Variants in TFEC observed in about 807,000 individuals in gnomAD.
The protein encoded by TFEC is transcription factor EC, also known as class E basic helix-loop-helix protein 34.
Under a neutral mutation model 41.6 loss-of-function variants are expected in TFEC, and 31 were observed. The ratio of observed to expected loss-of-function variants is 0.74; its 90% CI spans 0.56 to 1.01. The LOEUF (loss-of-function observed/expected upper bound fraction) is 1.01, where lower values mean the gene tolerates loss of function less well. TFEC is among the 50% of genes least tolerant of loss of function. The probability of loss-of-function intolerance (pLI) is 0.00; values close to 1 mark genes in which losing one functional copy is unlikely to be tolerated. For missense variants in TFEC, 402 were observed against 404.1 expected, an observed-to-expected ratio of 0.99 and a Z score of 0.04; for synonymous variants, 143 against 140.6, an observed-to-expected ratio of 1.02 and a Z score of -0.12.
intron 1 of TFEC, among the ~76,000 whole-genome samples, chr7:116,119,574 T>A (rs922059694): frequency 3.3e-5 from 5 of 151,786 alleles, no homozygotes; most frequent in African/African-American, 1.2e-4. Context: ...GTGAATTTTA[T>A]TGTATGTAAA....
At chr7:116,111,793 G>A (rs2116100326) in intron 2 of TFEC, among the ~76,000 whole-genome samples, 1 of 151,982 alleles carries the variant, frequency 6.6e-6, no homozygotes, top group Non-Finnish European at 1.5e-5. Flanking sequence ...TGAAGTAACT[G>A]GAATAAACAG....
intron 1 of TFEC, among the ~76,000 whole-genome samples, chr7:115,991,321 C>T (rs13230659): frequency 0.14 from 20,858 of 152,116 alleles, 1,933 homozygotes; most frequent in Non-Finnish European, 0.21. Context: ...CATCAACTAA[C>T]GAGCAAAATA....
intron 6 of TFEC, among the ~76,000 whole-genome samples, chr7:115,944,048 C>CTTTTTTTTTTTTTTTTTTTTTTT (rs1793660689): frequency 8.8e-5 from 1 of 11,322 alleles, no homozygotes; most frequent in Non-Finnish European, 2.5e-4. Context: ...TTTGCTTCAA[C>CTTTTTTTTTTTTTTTTTTTTTTT]ATTTTGTGAC....
intron 1 of TFEC, among the ~76,000 whole-genome samples, chr7:116,001,761 T>C (rs1794605627): frequency 1.3e-5 from 2 of 152,100 alleles, no homozygotes; most frequent in African/African-American, 4.8e-5. Flanking sequence ...GACATGGGAT[T>C]AATAAACAGA....
At chr7:116,140,268 G>T (rs1189677709) in intron 1 of TFEC, among the ~76,000 whole-genome samples, 1 of 152,206 alleles carries the variant, frequency 6.6e-6, no homozygotes, top group Non-Finnish European at 1.5e-5. Flanking sequence ...AAAGAAATGA[G>T]TGGCTCTGGA....
chr7:116,152,000 AAAAG>A (rs1584577433), intron 1 of TFEC, among the ~76,000 whole-genome samples: 2 of 152,190 alleles, frequency 1.3e-5, no homozygotes, highest in African/African-American at 4.8e-5. Flanking sequence ...TTCTCAAAAA[AAAAG>A]GTAGTAAACC....
intron 3 of TFEC, among the ~76,000 whole-genome samples, chr7:116,056,738 T>C (rs1185175981): frequency 2.0e-5 from 3 of 152,200 alleles, no homozygotes; most frequent in South Asian, 4.1e-4. Context: ...AAACTATTTA[T>C]AGGAATACAA....
At chr7:115,969,736 C>T (rs558196169) in intron 3 of TFEC, among the ~76,000 whole-genome samples, 3 of 152,000 alleles carry the variant, frequency 2.0e-5, no homozygotes, top group African/African-American at 7.2e-5. Context: ...TGTAAGGGAA[C>T]AAAATGTAGC....
intron 5 of TFEC, among the ~76,000 whole-genome samples, chr7:115,952,408 G>C (rs1049623002): frequency 6.6e-6 from 1 of 151,692 alleles, no homozygotes; most frequent in East Asian, 1.9e-4. Context: ...AAAATAATAA[G>C]AATTTCTTAA....
At chr7:116,056,934 A>C (rs1376158922) in intron 3 of TFEC, among the ~76,000 whole-genome samples, 1 of 152,060 alleles carries the variant, frequency 6.6e-6, no homozygotes, top group Non-Finnish European at 1.5e-5. Flanking sequence ...ACTGTATTCC[A>C]TATGTTTAGA....
chr7:116,017,861 T>C (rs540282037), intron 1 of TFEC, among the ~76,000 whole-genome samples: 16 of 152,330 alleles, frequency 1.1e-4, no homozygotes, highest in Admixed American at 9.2e-4. Context: ...TCTCATAGTA[T>C]TGGCATTTTG....
chr7:116,130,520 A>G (rs1341271545), intron 1 of TFEC, among the ~76,000 whole-genome samples: 2 of 152,346 alleles, frequency 1.3e-5, no homozygotes, highest in African/African-American at 4.8e-5. Context: ...GAGTTTAAAA[A>G]CATACAAATT....
chr7:116,023,152 G>A (rs978656601), intron 1 of TFEC, among the ~76,000 whole-genome samples: 4 of 151,152 alleles, frequency 2.6e-5, no homozygotes, highest in Non-Finnish European at 5.9e-5. Context: ...TTGTCTATTA[G>A]GCCTCTGAAG....
At chr7:116,121,708 A>G (rs1798110662) in intron 1 of TFEC, among the ~76,000 whole-genome samples, 1 of 152,074 alleles carries the variant, frequency 6.6e-6, no homozygotes, top group African/African-American at 2.4e-5. Flanking sequence ...GTGCCAAATG[A>G]TTAATATTAT....
At chr7:115,969,317 AAAG>A (rs1255151301) in intron 3 of TFEC, among the ~76,000 whole-genome samples, 5 of 151,902 alleles carry the variant, frequency 3.3e-5, no homozygotes, top group Admixed American at 6.6e-5. Context: ...ATGCAGTAAT[AAAG>A]AAGATCATTT....
chr7:116,002,790 G>C (rs1794647936), intron 1 of TFEC, among the ~76,000 whole-genome samples: 1 of 151,952 alleles, frequency 6.6e-6, no homozygotes. Context: ...CCTCATAAAT[G>C]CACCCCTGTT....
intron 3 of TFEC, among the ~76,000 whole-genome samples, chr7:116,088,952 T>G (rs1797262956): frequency 6.6e-6 from 1 of 152,110 alleles, no homozygotes; most frequent in Non-Finnish European, 1.5e-5. Flanking sequence ...GGTTCAAGAC[T>G]CAGTTCATGA....
At chr7:116,152,451 A>T (rs1478488793) in intron 1 of TFEC, among the ~76,000 whole-genome samples, 1 of 152,218 alleles carries the variant, frequency 6.6e-6, no homozygotes, top group Non-Finnish European at 1.5e-5. Flanking sequence ...GAAGCTCCTG[A>T]GATCTGCAGA....
At chr7:116,122,559 C>G (rs1306883774) in intron 1 of TFEC, among the ~76,000 whole-genome samples, 1 of 152,128 alleles carries the variant, frequency 6.6e-6, no homozygotes, top group Non-Finnish European at 1.5e-5. Flanking sequence ...ATCACTGAAT[C>G]ACTCATTCAA....
Sources: allele counts gnomAD v4.1 joint callset (sites outside exome capture counted in the v4.1 genomes callset), GRCh38; gene constraint gnomAD v4.1.1; transcripts MANE v1.5; gene names NCBI Gene and HGNC (gene_info 2026-07-23, HGNC 2026-07-21).